SLC25A6: variants seen among roughly 807,000 people sequenced by gnomAD.
SLC25A6 encodes the protein solute carrier family 25 member 6.
A neutral mutation model predicts 25.7 loss-of-function variants in SLC25A6; 9 were observed. That is an observed-to-expected ratio of 0.35 (90% CI 0.21 to 0.61). SLC25A6 has a LOEUF of 0.61. SLC25A6 is among the 20% of genes least tolerant of loss of function. The probability of loss-of-function intolerance (pLI) is 0.76; values close to 1 mark genes in which losing one functional copy is unlikely to be tolerated. For synonymous variants in SLC25A6, 223 were observed against 197.0 expected (o/e 1.13, Z -1.11); for missense variants, 404 against 440.5 (o/e 0.92, Z 0.74).
chrX:1,389,529 C>T lies in SLC25A6; in HGVS notation c.310G>A (p.Asp104Asn). 1 of 1,614,192 alleles carries T rather than the reference C, an allele frequency of 6.2e-7. No homozygotes were observed. ...TACCTCCAGAACTGCGTGTGCTTGTCCACGCCCCCCAGGAAGATCTGCTTG... is the reference window on the plus strand; with the variant it reads ...TACCTCCAGAACTGCGTGTGCTTGTTCACGCCCCCCAGGAAGATCTGCTTG... ...KYKQIFLGGV[D>N]KHTQFWRYFA... The change falls in exon 2 of 4, where the codon GAC becomes AAC. Residue 104 changes from aspartate (D) to asparagine (N), a missense_variant. Transcript: ENST00000381401.
At chrX:1,388,370 C>T (rs1379423181) in intron 2 of SLC25A6, among the ~76,000 whole-genome samples, 2 of 151,180 alleles carry the variant, frequency 1.3e-5, no homozygotes, top group Non-Finnish European at 3.0e-5. Flanking sequence ...AGGACACAGA[C>T]ACACACAGAG....
Position 1,386,647 on chromosome X carries a change from GC to G in SLC25A6, c.851del (p.Gly284AlafsTer14). The G allele has an allele frequency of 1.9e-6, 3 of 1,596,534 alleles. No individual in the cohort carries two copies. Among genetic ancestry groups the G allele is most frequent in the Admixed American group, 1.7e-5 (1 of 57,828 alleles). On this transcript the variant is annotated frameshift_variant, in exon 4 of 4. Coordinates refer to ENST00000381401, the MANE Select transcript of SLC25A6 (RefSeq NM_001636.4). LOFTEE classifies it high-confidence loss of function. ...AWSNVLRGMG[G>X]AFVLVLYDEL... is the part of the protein sequence containing the mutation. ...CGTCGTACAGGACCAGCACGAAGGC[GC>G]CCCCCATGCCCCGCAGGACGTTGGA...
chrX:1,389,904 C>T (rs1160771435), intron 1 of SLC25A6, among the ~76,000 whole-genome samples, 177 bp from the exon 2 acceptor site: 1 of 151,918 alleles, frequency 6.6e-6, no homozygotes, highest in Non-Finnish European at 1.5e-5. Context: ...ACTATAGGCG[C>T]CCACCACCAC....
chrX:1,391,832 C>T, intron 1 of SLC25A6, 67 bp downstream of exon 1: 1 of 1,289,924 alleles, frequency 7.8e-7, no homozygotes, highest in Non-Finnish European at 1.1e-6. Flanking sequence ...CTGCCCACGT[C>T]CCCGCCCGAC....
chrX:1,392,078 C>T lies in SLC25A6; in HGVS notation c.-69G>A. The T allele has an allele frequency of 2.5e-6, 3 of 1,213,858 alleles. No individual in the cohort carries two copies. Among genetic ancestry groups the T allele is most frequent in the South Asian group, 2.6e-5 (2 of 76,666 alleles). The allele number at this position is 1,213,858 out of a possible 1,614,324, so 75.2% of individuals were successfully genotyped here. A position where few individuals can be genotyped will look rare whatever the true frequency, so the allele number is the denominator to read the frequency against. On this transcript the variant is annotated 5_prime_UTR_variant, in exon 1 of 4. Coordinates refer to ENST00000381401, the MANE Select transcript of SLC25A6 (RefSeq NM_001636.4). ...GGCGCGGAGAGTGAATGGAGGGCGT[C>T]GCTGGCTCAGCCCTGCCGCCGCCTG...
chrX:1,389,534 C>A lies in SLC25A6; in HGVS notation c.305G>T (p.Gly102Val). 6.2e-7 allele frequency: 1 copy of A among 1,614,170 alleles called. No homozygotes were observed. Among genetic ancestry groups the A allele is most frequent in the Non-Finnish European group, 8.5e-7 (1 of 1,180,030 alleles). Residue 102 changes from glycine (G) to valine (V), a missense_variant, in exon 2 of 4, where the codon GGC becomes GTC. Physicochemically the swap from Gly to Val is moderately radical, Grantham distance 109 (BLOSUM62 -3). Transcript: ENST00000381401. ...CCAGAACTGCGTGTGCTTGTCCACG[C>A]CCCCCAGGAAGATCTGCTTGTACTT... is the stretch of plus-strand genomic sequence containing the variant. ...KDKYKQIFLG[G>V]VDKHTQFWRY...
intron 1 of SLC25A6, among the ~76,000 whole-genome samples, chrX:1,390,846 G>C (rs1445852371): frequency 3.3e-5 from 5 of 151,422 alleles, no homozygotes; most frequent in African/African-American, 4.9e-5. Flanking sequence ...GTCTTGCTAT[G>C]TTGCCCTGGC....
intron 1 of SLC25A6, among the ~76,000 whole-genome samples, chrX:1,390,716 G>A (rs1248631196): frequency 6.7e-6 from 1 of 149,508 alleles, no homozygotes; most frequent in Non-Finnish European, 1.5e-5. Context: ...TTAGAGACGG[G>A]GTCTTGCTAC....
At chrX:1,389,751 G>T (rs758278109) in intron 1 of SLC25A6, 24 bp from the exon 2 acceptor site, 2 of 1,606,420 alleles carry the variant, frequency 1.2e-6, no homozygotes. Context: ...AGGGTGTTCA[G>T]ACCAGACCCA....
chrX:1,389,140 C>A (rs1156427602), intron 2 of SLC25A6, 101 bp downstream of exon 2: 3 of 1,361,622 alleles, frequency 2.2e-6, no homozygotes, highest in Admixed American at 4.5e-5. Flanking sequence ...AGGAACCAGC[C>A]CTGCCCACAC....
chrX:1,391,773 A>G (rs1362029736), intron 1 of SLC25A6, 126 bp downstream of exon 1: 11 of 686,496 alleles, frequency 1.6e-5, no homozygotes, highest in Non-Finnish European at 2.4e-5. Context: ...CGGCGCGTGG[A>G]CAAAGCGATC....
chrX:1,389,570 G>A lies in SLC25A6; in HGVS notation c.269C>T (p.Ala90Val). Residue 90 changes from alanine (A) to valine (V), a missense_variant, in exon 2 of 4, where the codon GCC (alanine) becomes GTC (valine). Transcript: ENST00000381401. ...RYFPTQALNFAFKDKYKQIFL... is the reference protein window; with the variant it reads ...RYFPTQALNFVFKDKYKQIFL... ...GATCTGCTTGTACTTATCCTTGAAG[G>A]CGAAGTTGAGGGCTTGAGTGGGGAA... 1 of 1,614,204 alleles carries A rather than the reference G, an allele frequency of 6.2e-7. No individual in the cohort carries two copies. The highest frequency in any genetic ancestry group is 8.5e-7 in the Non-Finnish European group (1 of 1,180,038).
Position 1,387,334 on chromosome X carries a change from G to A in SLC25A6, c.684C>T (p.Ser228=), listed in dbSNP as rs773541310. 3.7e-6 allele frequency: 6 copies of A among 1,613,258 alleles called. No individual in the cohort carries two copies. The highest frequency in any genetic ancestry group is 5.1e-6 in the Non-Finnish European group (6 of 1,179,794). Reference sequence around the variant, plus strand: ...GCCGCCGCACCGTGTCGAAGGGGTAGGACACCACGCCGGCCACGGCCGTCA... The same window carrying A: ...GCCGCCGCACCGTGTCGAAGGGGTAAGACACCACGCCGGCCACGGCCGTCA... ...QTVTAVAGVV[S]YPFDTVRRRM... The change falls in exon 3 of 4, where the codon TCC becomes TCT. Residue 228 remains serine, a synonymous_variant. Transcript: ENST00000381401.
At chrX:1,390,439 G>A (rs1569529225) in intron 1 of SLC25A6, 1 of 152,710 alleles carries the variant, frequency 6.5e-6, no homozygotes, top group Non-Finnish European at 1.5e-5. Flanking sequence ...TAAAAATACA[G>A]AACATTAGCA....
chrX:1,387,478 T>C, intron 2 of SLC25A6, 59 bp from the exon 3 acceptor site: 1 of 1,597,294 alleles, frequency 6.3e-7, no homozygotes, highest in East Asian at 2.2e-5. Context: ...GAGACCAGGG[T>C]CGGCCCCCAG....
chrX:1,390,481 TGAGGCAGAATGGCGTGAACCCAGGAGGCG>T (rs1159591879), intron 1 of SLC25A6, among the ~76,000 whole-genome samples: 1 of 150,566 alleles, frequency 6.6e-6, no homozygotes, highest in Non-Finnish European at 1.5e-5. Flanking sequence ...CTAGGGAGGC[TGAGGCAGAATGGCGTGAACCCAGGAGGCG>T]GAGGCTACAG....
rs2089375742 is a variant in SLC25A6 at position 1,389,646 on chromosome X, G to A, written c.193C>T (p.Gln65Ter). Residue 65 changes from glutamine (Q) to a stop codon, truncating the protein, a stop_gained, in exon 2 of 4, where the codon CAG becomes TAG. Coordinates refer to ENST00000381401, the MANE Select transcript of SLC25A6 (RefSeq NM_001636.4). LOFTEE classifies it high-confidence loss of function. ...VDCIVRIPKE[Q>*]GVLSFWRGNL... is the part of the protein sequence containing the mutation. Reference sequence around the variant, plus strand: ...CCCCTCCAGAAGGACAGCACGCCCTGCTCCTTGGGGATGCGGACAATGCAG... The same window carrying A: ...CCCCTCCAGAAGGACAGCACGCCCTACTCCTTGGGGATGCGGACAATGCAG... The A allele has an allele frequency of 1.2e-6, 2 of 1,614,118 alleles. No individual in the cohort carries two copies. The highest frequency in any genetic ancestry group is 1.7e-6 in the Non-Finnish European group (2 of 1,180,008).
rs1164269852 is a variant in SLC25A6 at position 1,392,107 on chromosome X, C to G, written c.-98G>C. 1.1e-6 allele frequency: 1 copy of G among 885,568 alleles called. No individual in the cohort carries two copies. The highest frequency in any genetic ancestry group is 1.8e-6 in the Non-Finnish European group (1 of 560,016). The allele number at this position is 885,568 out of a possible 1,614,324, so 54.9% of individuals were successfully genotyped here. ...GGCTCAGCCCTGCCGCCGCCTGGAC[C>G]GAAAGGACGGAGCAGCCACCGCGCA... On this transcript the variant is annotated 5_prime_UTR_variant, in exon 1 of 4. Coordinates refer to ENST00000381401, the MANE Select transcript of SLC25A6 (RefSeq NM_001636.4).
In SLC25A6 at chrX:1,389,324, C is replaced by A; in HGVS notation, c.515G>T (p.Gly172Val). The part of the protein sequence containing the change: ...VKITKSDGIR[G>V]LYQGFSVSVQ... ...GGAGACACTGAAGCCCTGGTACAGGCCCCGGATGCCGTCGGACTTGGTGAT... is the reference window on the plus strand; with the variant it reads ...GGAGACACTGAAGCCCTGGTACAGGACCCGGATGCCGTCGGACTTGGTGAT... Residue 172 changes from glycine (G) to valine (V), a missense_variant, in exon 2 of 4, where the codon GGC (glycine) becomes GTC (valine). Physicochemically the swap from Gly to Val is moderately radical, Grantham distance 109. Coordinates refer to ENST00000381401, the MANE Select transcript of SLC25A6 (RefSeq NM_001636.4). 1 of 1,613,872 alleles carries A rather than the reference C, an allele frequency of 6.2e-7. No homozygotes were observed.
Sources: allele counts gnomAD v4.1 joint callset (sites outside exome capture counted in the v4.1 genomes callset), GRCh38; gene constraint gnomAD v4.1.1; transcripts MANE v1.5; gene names NCBI Gene and HGNC (gene_info 2026-07-23, HGNC 2026-07-21).